CDH12: variants seen among roughly 807,000 people sequenced by gnomAD.
CDH12 encodes cadherin-12.
CDH12 carries 41 observed loss-of-function variants against 74.1 expected under a neutral mutation model. The ratio of observed to expected loss-of-function variants is 0.55; its 90% CI spans 0.43 to 0.72. The LOEUF (loss-of-function observed/expected upper bound fraction) is 0.72, where lower values mean the gene tolerates loss of function less well. Ranked by LOEUF, CDH12 falls within the 30% of genes least tolerant of loss-of-function variation. The probability of loss-of-function intolerance (pLI) is 0.00; values close to 1 mark genes in which losing one functional copy is unlikely to be tolerated. For synonymous variants in CDH12, 399 were observed against 355.0 expected (o/e 1.12, Z -1.39); for missense variants, 945 against 977.2 (o/e 0.97, Z 0.44).
At chr5:21,910,513 C>G (rs914310117) in intron 6 of CDH12, among the ~76,000 whole-genome samples, 13 of 151,992 alleles carry the variant, frequency 8.6e-5, no homozygotes, top group Non-Finnish European at 1.8e-4. Flanking sequence ...AATTGGAACT[C>G]ATTGACCAGA....
intron 5 of CDH12, among the ~76,000 whole-genome samples, chr5:21,979,692 G>A (rs1049428424): frequency 1.3e-5 from 2 of 152,024 alleles, no homozygotes; most frequent in African/African-American, 4.8e-5. Flanking sequence ...CCAGCCTGGG[G>A]TATGTTGGGA....
chr5:22,792,539 G>A (rs1278992195), intron 1 of CDH12, among the ~76,000 whole-genome samples: 1 of 152,138 alleles, frequency 6.6e-6, no homozygotes, highest in Non-Finnish European at 1.5e-5. Context: ...GATGTGTCAT[G>A]CCTTCCTGCT....
chr5:22,789,799 A>G (rs1327646783), intron 1 of CDH12, among the ~76,000 whole-genome samples: 1 of 151,930 alleles, frequency 6.6e-6, no homozygotes, highest in African/African-American at 2.4e-5. Flanking sequence ...CTTTGAAGTG[A>G]GTTCATTTTA....
At chr5:22,795,036 T>G (rs1435618452) in intron 1 of CDH12, among the ~76,000 whole-genome samples, 1 of 152,174 alleles carries the variant, frequency 6.6e-6, no homozygotes, top group Non-Finnish European at 1.5e-5. Flanking sequence ...AAACTCAGAA[T>G]TTTTTTAAAT....
rs920576391 is a variant in CDH12 at position 22,125,973 on chromosome 5, T to A, written c.-186-47111A>T. ...TTCACTTTCATTGTTTTTTTTTTTTTAAATCTATTGTGTATTTCATTCATT... is the reference window on the plus strand; with the variant it reads ...TTCACTTTCATTGTTTTTTTTTTTTAAAATCTATTGTGTATTTCATTCATT... On this transcript the variant is annotated intron_variant, in intron 4 of 14. Coordinates refer to ENST00000382254, the MANE Select transcript of CDH12 (RefSeq NM_004061.5). Among the ~76,000 whole-genome samples the A allele has an allele frequency of 7.1e-5, 10 of 140,328 alleles. 1 individual carries two copies. The highest frequency in any genetic ancestry group is 2.5e-4 in the African/African-American group (10 of 39,664). The allele number at this position is 140,328 out of a possible 152,430, so 92.1% of individuals were successfully genotyped here. A position where few individuals can be genotyped will look rare whatever the true frequency, so the allele number is the denominator to read the frequency against.
chr5:22,801,776 T>C (rs916095773), intron 1 of CDH12, among the ~76,000 whole-genome samples: 5 of 150,574 alleles, frequency 3.3e-5, no homozygotes, highest in African/African-American at 9.7e-5. Flanking sequence ...GGCAACTTTG[T>C]TTCTGTCCTG....
chr5:22,281,183 C>T lies in CDH12; in HGVS notation c.-332-68540G>A, dbSNP rs547953810. Among the ~76,000 whole-genome samples, 7 of 152,216 alleles carry T rather than the reference C, an allele frequency of 4.6e-5. No individual in the cohort carries two copies. The South Asian group carries it at 1.5e-3, about 32-fold the overall frequency. On this transcript the variant is annotated intron_variant, in intron 3 of 14. Coordinates refer to ENST00000382254, the MANE Select transcript of CDH12 (RefSeq NM_004061.5). Reference sequence around the variant, plus strand: ...TGGCAAAATTAAACAGCCCTTCATGCTAAAAACTCTCAATAAATTAGGTAT... The same window carrying T: ...TGGCAAAATTAAACAGCCCTTCATGTTAAAAACTCTCAATAAATTAGGTAT...
chr5:21,808,012 T>G (rs1163800537), intron 9 of CDH12, among the ~76,000 whole-genome samples: 1 of 152,062 alleles, frequency 6.6e-6, no homozygotes, highest in Non-Finnish European at 1.5e-5. Flanking sequence ...TATAGGAGAT[T>G]ATGTGGCAAG....
At chr5:22,849,140 A>G (rs988309365) in intron 1 of CDH12, among the ~76,000 whole-genome samples, 1 of 152,154 alleles carries the variant, frequency 6.6e-6, no homozygotes, top group Non-Finnish European at 1.5e-5. Flanking sequence ...CTTAGAGATG[A>G]GGAAGGTTAA....
At chr5:22,050,245 T>C (rs1342503245) in intron 5 of CDH12, among the ~76,000 whole-genome samples, 4 of 152,114 alleles carry the variant, frequency 2.6e-5, no homozygotes, top group African/African-American at 9.7e-5. Flanking sequence ...TTGTCTGAAC[T>C]CTCCTTCCCC....
intron 5 of CDH12, among the ~76,000 whole-genome samples, chr5:21,987,028 A>C (rs1757546726): frequency 6.6e-6 from 1 of 151,864 alleles, no homozygotes; most frequent in Admixed American, 6.5e-5. Context: ...TAATAATCCC[A>C]ATAAAGCAGC....
At chr5:21,774,340 T>A (rs758404889) in intron 11 of CDH12, 3 of 152,158 alleles carry the variant, frequency 2.0e-5, no homozygotes, top group Non-Finnish European at 4.4e-5. Context: ...TTCTTCAGGT[T>A]TTGGACTCTT....
At chr5:21,982,609 TATCTATA>T (rs1209554475) in intron 5 of CDH12, among the ~76,000 whole-genome samples, 1 of 151,846 alleles carries the variant, frequency 6.6e-6, no homozygotes, top group Non-Finnish European at 1.5e-5. Flanking sequence ...AATATCTCTA[TATCTATA>T]ATCTATATAT....
At chr5:21,764,891 T>C in intron 12 of CDH12, 87 bp downstream of exon 12, 2 of 1,211,540 alleles carry the variant, frequency 1.7e-6, no homozygotes, top group Non-Finnish European at 2.4e-6. Context: ...AACAAATATA[T>C]GTGTGCATAT....
chr5:22,028,835 G>A (rs1738584986), intron 5 of CDH12, among the ~76,000 whole-genome samples: 6 of 152,256 alleles, frequency 3.9e-5, no homozygotes, highest in African/African-American at 1.4e-4. Flanking sequence ...CAAAGCTGGA[G>A]GCATCACGCT....
intron 1 of CDH12, among the ~76,000 whole-genome samples, chr5:22,811,911 G>A (rs1461666804): frequency 6.6e-6 from 1 of 152,096 alleles, no homozygotes; most frequent in East Asian, 1.9e-4. Context: ...TGAAAAGATC[G>A]AAGTTAGAGA....
intron 1 of CDH12, among the ~76,000 whole-genome samples, chr5:22,523,048 A>G (rs560424513): frequency 4.1e-4 from 62 of 152,178 alleles, no homozygotes; most frequent in Non-Finnish European, 7.6e-4. Flanking sequence ...GTTTCCTGCA[A>G]TTCTGGAGAA....
chr5:22,657,736 A>C (rs1740127001), intron 1 of CDH12, among the ~76,000 whole-genome samples: 1 of 152,190 alleles, frequency 6.6e-6, no homozygotes, highest in East Asian at 1.9e-4. Context: ...ACGTGCTTTC[A>C]AAATAAGGCA....
At chr5:22,752,119 G>A (rs1049691984) in intron 1 of CDH12, among the ~76,000 whole-genome samples, 8 of 152,132 alleles carry the variant, frequency 5.3e-5, no homozygotes, top group African/African-American at 1.7e-4. Context: ...TCCAACATCT[G>A]CTATTTATTT....
Sources: gnomAD v4.1 joint callset for allele counts (sites outside exome capture counted in the v4.1 genomes callset) on GRCh38, gnomAD v4.1.1 for gene constraint, MANE v1.5 for transcripts, NCBI Gene and HGNC (gene_info 2026-07-23, HGNC 2026-07-21) for gene names.